The following HACD1 variants were observed in gnomAD, a reference collection of about 807,000 sequenced individuals.
The protein encoded by HACD1 is very-long-chain (3R)-3-hydroxyacyl-CoA dehydratase 1.
HACD1 carries 41 observed loss-of-function variants against 32.0 expected under a neutral mutation model. That is an observed-to-expected ratio of 1.28 (90% CI 1.00 to 1.66). The LOEUF (loss-of-function observed/expected upper bound fraction) is 1.66, where lower values mean the gene tolerates loss of function less well. Among genes scored for constraint, HACD1 ranks in the 40% most tolerant of loss-of-function variants. The probability of loss-of-function intolerance (pLI) is 0.00; values close to 1 mark genes in which losing one functional copy is unlikely to be tolerated. For synonymous variants in HACD1, 142 were observed against 139.0 expected (o/e 1.02, Z -0.15); for missense variants, 396 against 380.1 (o/e 1.04, Z -0.35).
intron 1 of HACD1, among the ~76,000 whole-genome samples, chr10:17,609,605 T>C (rs1173283076): frequency 2.6e-5 from 4 of 152,078 alleles, no homozygotes; most frequent in African/African-American, 9.7e-5. Flanking sequence ...ATGTCTAAAA[T>C]TACAATGACT....
chr10:17,603,663 C>A lies in HACD1; in HGVS notation c.395-15G>T, dbSNP rs1554816746. The stretch of plus-strand genomic sequence containing the variant: ...AGGTACAATTCCTTAAAAAGAAAAA[C>A]AAGTGAACTATTGCCCTAAAGGCAA... On this transcript the variant is annotated splice_polypyrimidine_tract_variant and intron_variant, in intron 3 of 6. Transcript: ENST00000361271. The A allele has an allele frequency of 1.9e-6, 3 of 1,609,714 alleles. No homozygotes were observed. In the South Asian group the frequency reaches 3.3e-5, roughly 18 times the overall value.
chr10:17,598,065 G>A (rs879962460), intron 5 of HACD1, among the ~76,000 whole-genome samples: 3 of 151,916 alleles, frequency 2.0e-5, no homozygotes, highest in Non-Finnish European at 2.9e-5. Flanking sequence ...TTCGAGACCA[G>A]CCTGGGCAAC....
At chr10:17,594,847 G>GT (rs782329972) in intron 5 of HACD1, among the ~76,000 whole-genome samples, 3,798 of 131,890 alleles carry the variant, frequency 0.029, 112 homozygotes, top group African/African-American at 0.079. Context: ...AATTTTTGGT[G>GT]TTTTTTTTTT....
intron 1 of HACD1, among the ~76,000 whole-genome samples, chr10:17,608,519 T>C (rs1834181018): frequency 6.6e-6 from 1 of 151,886 alleles, no homozygotes; most frequent in South Asian, 2.1e-4. Context: ...TTTTTTGAAA[T>C]GGAGTCTTGC....
intron 1 of HACD1, among the ~76,000 whole-genome samples, chr10:17,609,634 C>A (rs567829927): frequency 6.6e-6 from 1 of 152,162 alleles, no homozygotes; most frequent in South Asian, 2.1e-4. Flanking sequence ...CAAGGGTTGG[C>A]AAGGATGTGC....
chr10:17,603,247 T>A (rs1834097420), intron 4 of HACD1: 1 of 218,590 alleles, frequency 4.6e-6, no homozygotes, highest in African/African-American at 2.3e-5. Context: ...ACAACTTGGA[T>A]TGAAAAGAAA....
intron 6 of HACD1, among the ~76,000 whole-genome samples, chr10:17,592,109 G>C (rs1459198948): frequency 6.7e-6 from 1 of 150,254 alleles, no homozygotes; most frequent in East Asian, 2.0e-4. Flanking sequence ...AGCCTCCTGA[G>C]TAGCTGGGAC....
intron 5 of HACD1, among the ~76,000 whole-genome samples, chr10:17,597,155 C>T (rs1834004893): frequency 6.6e-6 from 1 of 152,086 alleles, no homozygotes; most frequent in South Asian, 2.1e-4. Flanking sequence ...TGGATAAACA[C>T]TTTCTTCTTT....
At chr10:17,609,165 T>C (rs1350777707) in intron 1 of HACD1, among the ~76,000 whole-genome samples, 32 of 150,808 alleles carry the variant, frequency 2.1e-4, no homozygotes, top group Admixed American at 1.4e-3. Context: ...GTTTTTTTTT[T>C]TTTTTTTGAG....
chr10:17,593,720 A>G (rs1448792052), intron 6 of HACD1, among the ~76,000 whole-genome samples: 1 of 152,254 alleles, frequency 6.6e-6, no homozygotes, highest in East Asian at 1.9e-4. Context: ...AAATCCTTTA[A>G]GAAAAGAGGC....
Position 17,597,814 on chromosome 10 carries a change from A to T in HACD1, c.605+1476T>A, listed in dbSNP as rs544690330. On this transcript the variant is annotated intron_variant, in intron 5 of 6. Transcript: ENST00000361271. The stretch of plus-strand genomic sequence containing the variant: ...CATTTTCATGTACAGTAAGATTAAA[A>T]CCAACCAAATCCATATAAATGGTAG... 1.6e-4 allele frequency among the ~76,000 whole-genome samples: 24 copies of T among 152,318 alleles called. 1 individual carries two copies. The highest frequency in any genetic ancestry group is 5.3e-4 in the African/African-American group (22 of 41,580).
intron 1 of HACD1, among the ~76,000 whole-genome samples, chr10:17,612,526 G>A (rs1554817594): frequency 2.6e-5 from 4 of 152,152 alleles, no homozygotes; most frequent in African/African-American, 9.7e-5. Context: ...AAGTGGGATG[G>A]AGAAAAATAA....
At chr10:17,594,502 C>T (rs1278162901) in intron 5 of HACD1, 119 bp from the exon 6 acceptor site, 1 of 767,294 alleles carries the variant, frequency 1.3e-6, no homozygotes, top group Non-Finnish European at 1.9e-6. Context: ...TACATATTTA[C>T]AATAACCTTA....
chr10:17,609,155 GTT>G (rs56347429), intron 1 of HACD1, among the ~76,000 whole-genome samples: 1,872 of 132,048 alleles, frequency 0.014, 24 homozygotes, highest in East Asian at 0.056. Flanking sequence ...TGTGCAAAAG[GTT>G]TTTTTTTTTT....
intron 5 of HACD1, 107 bp downstream of exon 5, chr10:17,599,183 G>T: frequency 6.6e-7 from 1 of 1,515,312 alleles, no homozygotes; most frequent in Non-Finnish European, 8.8e-7. Flanking sequence ...TCCTATAACA[G>T]CATTCTGGCA....
chr10:17,609,514 A>G (rs147296489), intron 1 of HACD1, among the ~76,000 whole-genome samples: 1 of 152,278 alleles, frequency 6.6e-6, no homozygotes, highest in Non-Finnish European at 1.5e-5. Context: ...AGTGAAGCAC[A>G]TGAAAAGATA....
intron 4 of HACD1, 118 bp from the exon 5 acceptor site, chr10:17,599,529 T>G: frequency 7.1e-7 from 1 of 1,410,024 alleles, no homozygotes; most frequent in Non-Finnish European, 9.3e-7. Flanking sequence ...GTTAGGCAAA[T>G]GCAATATAGA....
chr10:17,601,961 G>C (rs2357286), intron 4 of HACD1, among the ~76,000 whole-genome samples: 54,267 of 151,704 alleles, frequency 0.36, 10,239 homozygotes, highest in Middle Eastern at 0.44. Context: ...AGAAAGGCAT[G>C]TGAGAAATGG....
intron 1 of HACD1, 34 bp downstream of exon 1, chr10:17,617,049 G>T (rs1470856357): frequency 7.1e-7 from 1 of 1,400,784 alleles, no homozygotes; most frequent in Admixed American, 3.4e-5. Flanking sequence ...CCGCGGCGCG[G>T]GGAGGGCCCG....
Sources: allele counts gnomAD v4.1 joint callset (sites outside exome capture counted in the v4.1 genomes callset), GRCh38; gene constraint gnomAD v4.1.1; transcripts MANE v1.5; gene names NCBI Gene and HGNC (gene_info 2026-07-23, HGNC 2026-07-21).